The following MARCHF1 variants were observed in gnomAD, a reference collection of about 807,000 sequenced individuals.
MARCHF1 encodes E3 ubiquitin-protein ligase MARCHF1.
A neutral mutation model predicts 54.2 loss-of-function variants in MARCHF1; 40 were observed. The ratio of observed to expected loss-of-function variants is 0.74; its 90% CI spans 0.57 to 0.96. The LOEUF is 0.96. Ranked by LOEUF, MARCHF1 falls within the 40% of genes least tolerant of loss-of-function variation. The pLI, the probability that MARCHF1 is intolerant of heterozygous loss-of-function variation, is 0.00. For synonymous variants in MARCHF1, 236 were observed against 236.3 expected (o/e 1.00, Z 0.01); for missense variants, 586 against 656.5 (o/e 0.89, Z 1.17).
At chr4:164,254,292 T>C (rs1014989093) in intron 1 of MARCHF1, among the ~76,000 whole-genome samples, 18 of 147,828 alleles carry the variant, frequency 1.2e-4, no homozygotes, top group African/African-American at 4.6e-4. Flanking sequence ...AGGTTTCTCT[T>C]AAAGGGACAG....
Position 163,613,331 on chromosome 4 carries a change from G to C in MARCHF1, c.225C>G (p.Ser75=). 1 of 1,612,468 alleles carries C rather than the reference G, an allele frequency of 6.2e-7. No individual in the cohort carries two copies. The highest frequency in any genetic ancestry group is 1.7e-5 in the Admixed American group (1 of 59,778). The change falls in exon 6 of 10, where the codon TCC becomes TCG. Residue 75 remains serine, a synonymous_variant. Transcript: ENST00000514618. Reference sequence around the variant, plus strand: ...GCACTTACCTGCAGATGTCCTGAGTGGATGGACAGACAGACAACCTTGACT... The same window carrying C: ...GCACTTACCTGCAGATGTCCTGAGTCGATGGACAGACAGACAACCTTGACT... ...RSQSRLSVCP[S]TQDICRSAIL...
intron 1 of MARCHF1, among the ~76,000 whole-genome samples, chr4:164,345,573 CATAATAATAATAATA>C (rs5863679): frequency 0.12 from 17,182 of 143,336 alleles, 1,615 homozygotes; most frequent in East Asian, 0.29. Flanking sequence ...CTGTCTCAAA[CATAATAATAATAATA>C]ATAATAATAA....
chr4:164,335,716 C>T lies in MARCHF1; in HGVS notation c.-323+48154G>A, dbSNP rs71641114. On this transcript the variant is annotated intron_variant, in intron 1 of 9. Coordinates refer to ENST00000514618, the MANE Select transcript of MARCHF1 (RefSeq NM_001394959.1). The stretch of plus-strand genomic sequence containing the variant: ...AGAGAATTATGACTTGCTCTGGAGG[C>T]CCAGATGATCATGAGCATTTTTTAG... Among the ~76,000 whole-genome samples the T allele has an allele frequency of 5.4e-3, 829 of 152,192 alleles. 7 individuals are homozygous for T. The highest frequency in any genetic ancestry group is 0.031 in the Middle Eastern group (9 of 294).
At chr4:163,676,194 A>C (rs1305346234) in intron 5 of MARCHF1, among the ~76,000 whole-genome samples, 2 of 148,140 alleles carry the variant, frequency 1.4e-5, no homozygotes, top group Admixed American at 1.3e-4. Context: ...ACAAAAAAAA[A>C]AAAAAAAAAA....
chr4:164,302,708 T>C (rs1734593625), intron 1 of MARCHF1, among the ~76,000 whole-genome samples: 1 of 151,646 alleles, frequency 6.6e-6, no homozygotes, highest in Admixed American at 6.6e-5. Context: ...CAAAACCCCA[T>C]CTCTACAAAA....
Position 164,304,575 on chromosome 4 carries a change from C to A in MARCHF1, c.-323+79295G>T, listed in dbSNP as rs116317498. On this transcript the variant is annotated intron_variant, in intron 1 of 9. Coordinates refer to ENST00000514618, the MANE Select transcript of MARCHF1 (RefSeq NM_001394959.1). Reference sequence around the variant, plus strand: ...TATATAAATTCTTAGAGGTACCTAGCCCGAATTTCAAGTGTTGAGTTGCTC... The same window carrying A: ...TATATAAATTCTTAGAGGTACCTAGACCGAATTTCAAGTGTTGAGTTGCTC... Among the ~76,000 whole-genome samples the A allele has an allele frequency of 7.9e-3, 1,198 of 152,238 alleles. 16 individuals are homozygous for A. Among genetic ancestry groups the A allele is most frequent in the African/African-American group, 0.027 (1,127 of 41,560 alleles).
intron 1 of MARCHF1, among the ~76,000 whole-genome samples, chr4:164,375,171 T>C (rs1013266518): frequency 1.2e-4 from 18 of 152,164 alleles, no homozygotes; most frequent in African/African-American, 3.9e-4. Flanking sequence ...GAATGAATAA[T>C]TAAATGTGGC....
intron 1 of MARCHF1, among the ~76,000 whole-genome samples, chr4:164,309,116 A>G (rs1734775232): frequency 1.3e-5 from 2 of 152,264 alleles, no homozygotes; most frequent in South Asian, 4.1e-4. Flanking sequence ...CTAAATATGC[A>G]AACAGTATAA....
At chr4:163,998,961 T>C (rs1370815969) in intron 2 of MARCHF1, among the ~76,000 whole-genome samples, 3 of 151,772 alleles carry the variant, frequency 2.0e-5, no homozygotes, top group South Asian at 4.1e-4. Context: ...TTCCTTTGGA[T>C]ATATAGCAAA....
Position 163,528,681 on chromosome 4 carries a change from T to A in MARCHF1, c.*67A>T. On this transcript the variant is annotated 3_prime_UTR_variant, in exon 10 of 10. Coordinates refer to ENST00000514618, the MANE Select transcript of MARCHF1 (RefSeq NM_001394959.1). Reference sequence around the variant, plus strand: ...AGGGAGTAAATAATTCAAGATCACTTCTGTCATTTGTAGTGGCTGAGGGCT... The same window carrying A: ...AGGGAGTAAATAATTCAAGATCACTACTGTCATTTGTAGTGGCTGAGGGCT... The A allele has an allele frequency of 6.8e-7, 1 of 1,466,130 alleles. No homozygotes were observed. The highest frequency in any genetic ancestry group is 9.3e-7 in the Non-Finnish European group (1 of 1,080,164). 90.8% of individuals were successfully genotyped at this position (1,466,130 alleles called of 1,614,324 possible).
At chr4:163,867,254 A>AT (rs1301562122) in intron 3 of MARCHF1, among the ~76,000 whole-genome samples, 7 of 151,992 alleles carry the variant, frequency 4.6e-5, no homozygotes, top group Non-Finnish European at 1.0e-4. Context: ...TTCTTCATCC[A>AT]TTTTTTAAAC....
At chr4:163,734,964 G>C (rs1463193591) in intron 4 of MARCHF1, among the ~76,000 whole-genome samples, 1 of 152,156 alleles carries the variant, frequency 6.6e-6, no homozygotes, top group Non-Finnish European at 1.5e-5. Flanking sequence ...GGTTCTACAT[G>C]ATCTGGCTCC....
intron 7 of MARCHF1, among the ~76,000 whole-genome samples, chr4:163,591,664 G>A (rs1462160145): frequency 6.6e-6 from 1 of 152,072 alleles, no homozygotes; most frequent in East Asian, 1.9e-4. Flanking sequence ...CATTTACAGA[G>A]CACAGACCAA....
At chr4:164,244,804 G>C (rs1317905307) in intron 1 of MARCHF1, among the ~76,000 whole-genome samples, 20 of 151,920 alleles carry the variant, frequency 1.3e-4, no homozygotes, top group Admixed American at 9.2e-4. Context: ...GAAATACAAA[G>C]TACCATCAGA....
intron 1 of MARCHF1, among the ~76,000 whole-genome samples, chr4:164,148,072 AT>A (rs1386865650): frequency 1.3e-5 from 2 of 151,990 alleles, no homozygotes; most frequent in East Asian, 3.9e-4. Context: ...TTTTCATTTC[AT>A]ATTTCCAAAA....
intron 1 of MARCHF1, among the ~76,000 whole-genome samples, chr4:164,155,334 C>CAA (rs11402101): frequency 0.017 from 2,583 of 149,514 alleles, 67 homozygotes; most frequent in African/African-American, 0.056. Flanking sequence ...ACTAAACTTT[C>CAA]AAAAAAAAAA....
At chr4:163,767,276 C>A (rs991713155) in intron 4 of MARCHF1, among the ~76,000 whole-genome samples, 1 of 151,306 alleles carries the variant, frequency 6.6e-6, no homozygotes, top group African/African-American at 2.4e-5. Context: ...GATTAATTTG[C>A]GTTCTGCCTA....
chr4:164,070,390 G>A (rs964441073), intron 2 of MARCHF1, among the ~76,000 whole-genome samples: 3 of 152,066 alleles, frequency 2.0e-5, no homozygotes, highest in African/African-American at 7.2e-5. Flanking sequence ...AGATATTCAG[G>A]AATTTAAAAG....
intron 1 of MARCHF1, chr4:164,189,307 T>C (rs1299044758): frequency 5.0e-6 from 3 of 596,406 alleles, no homozygotes; most frequent in African/African-American, 3.9e-5. Context: ...TGAAATTGAG[T>C]CCTTCTATGA....
Sources: allele counts gnomAD v4.1 joint callset (sites outside exome capture counted in the v4.1 genomes callset), GRCh38; gene constraint gnomAD v4.1.1; transcripts MANE v1.5; gene names NCBI Gene and HGNC (gene_info 2026-07-23, HGNC 2026-07-21).